NCAPG2: variants seen among roughly 807,000 people sequenced by gnomAD.
The protein encoded by NCAPG2 is non-SMC condensin II complex subunit G2, also known as condensin-2 complex subunit G2.
In NCAPG2, 53 loss-of-function variants were observed where a neutral mutation model predicts 141.1. The ratio of observed to expected loss-of-function variants is 0.38; its 90% confidence interval spans 0.30 to 0.47. The LOEUF (loss-of-function observed/expected upper bound fraction) is 0.47, where lower values mean the gene tolerates loss of function less well. Among genes scored for constraint, NCAPG2 ranks in the 20% least tolerant of loss-of-function variants. NCAPG2 has a pLI of 0.99. For missense variants in NCAPG2, 1,087 were observed against 1,389.0 expected, an observed-to-expected ratio of 0.78 and a Z score of 3.46; for synonymous variants, 499 against 490.7, an observed-to-expected ratio of 1.02 and a Z score of -0.22.
At chr7:158,669,500 C>T (rs905948257) in intron 13 of NCAPG2, among the ~76,000 whole-genome samples, 12 of 152,064 alleles carry the variant, frequency 7.9e-5, no homozygotes, top group African/African-American at 2.9e-4. Context: ...CAGTGGCTCA[C>T]GCCCATAATC....
chr7:158,657,006 C>T (rs1010950273), intron 17 of NCAPG2, among the ~76,000 whole-genome samples: 2 of 152,178 alleles, frequency 1.3e-5, no homozygotes, highest in Middle Eastern at 3.2e-3. Context: ...GCAAGAGTTT[C>T]TACTTTTGAA....
intron 16 of NCAPG2, 63 bp downstream of exon 16, chr7:158,662,131 T>C: frequency 6.9e-7 from 1 of 1,453,074 alleles, no homozygotes; most frequent in Non-Finnish European, 9.2e-7. Flanking sequence ...TGAGAACTTT[T>C]GTTAAATTCT....
rs138026456 is a variant in NCAPG2 at position 158,694,910 on chromosome 7, C to T, written c.79-1413G>A. The stretch of plus-strand genomic sequence containing the variant: ...AATTCTCCTCTCCATTTTCCTTAAG[C>T]CTTTGCCTGTCAATCACATGCAAAC... On this transcript the variant is annotated intron_variant, in intron 2 of 27. Coordinates refer to ENST00000356309, the MANE Select transcript of NCAPG2 (RefSeq NM_017760.7). Among the ~76,000 whole-genome samples, 338 of 152,298 alleles carry T rather than the reference C, an allele frequency of 2.2e-3. 1 individual carries two copies. Among genetic ancestry groups the T allele is most frequent in the Middle Eastern group, 0.017 (5 of 294 alleles).
intron 13 of NCAPG2, among the ~76,000 whole-genome samples, chr7:158,671,104 G>A (rs1833657203): frequency 8.7e-6 from 1 of 115,424 alleles, no homozygotes; most frequent in South Asian, 3.3e-4. Context: ...GGGGTGGGGG[G>A]TGGCTCATAC....
intron 5 of NCAPG2, among the ~76,000 whole-genome samples, 178 bp from the exon 6 acceptor site, chr7:158,690,131 A>T (rs929105760): frequency 2.6e-5 from 4 of 152,198 alleles, no homozygotes; most frequent in Admixed American, 2.6e-4. Context: ...AGCTCTACAG[A>T]ACATTTTTTT....
At chr7:158,641,443 TG>T in intron 27 of NCAPG2, 1 of 600,212 alleles carries the variant, frequency 1.7e-6, no homozygotes, top group South Asian at 2.0e-5. Context: ...TAGCTGGGTC[TG>T]GTGGTGTGTG....
intron 1 of NCAPG2, among the ~76,000 whole-genome samples, chr7:158,703,445 T>G (rs78631556): frequency 1.3e-5 from 2 of 152,222 alleles, no homozygotes; most frequent in African/African-American, 4.8e-5. Flanking sequence ...TTAGTCCAAC[T>G]TACAGTAATA....
At chr7:158,660,460 G>A (rs1832409992) in intron 16 of NCAPG2, among the ~76,000 whole-genome samples, 2 of 143,794 alleles carry the variant, frequency 1.4e-5, no homozygotes, top group African/African-American at 5.3e-5. Flanking sequence ...CTGTTGCCAG[G>A]GCTGGAGTGA....
rs774203332 is a variant in NCAPG2 at position 158,700,572 on chromosome 7, TCTAA to T, written c.78+1246_78+1249del. On this transcript the variant is annotated intron_variant, in intron 2 of 27. Coordinates refer to ENST00000356309, the MANE Select transcript of NCAPG2 (RefSeq NM_017760.7). ...TGCTAAAGCAGACATTTATATATTA[TCTAA>T]CTAATTTGCTCTTATAAACACTTCT... Among the ~76,000 whole-genome samples, 99 of 152,366 alleles carry T rather than the reference TCTAA, an allele frequency of 6.5e-4. 1 individual carries two copies. Among genetic ancestry groups the T allele is most frequent in the Non-Finnish European group, 1.3e-3 (91 of 68,036 alleles).
intron 13 of NCAPG2, chr7:158,667,269 T>C: frequency 1.0e-6 from 1 of 969,642 alleles, no homozygotes; most frequent in Non-Finnish European, 1.2e-6. Context: ...CCTGTGTCCC[T>C]CCGCCTCCCT....
intron 27 of NCAPG2, among the ~76,000 whole-genome samples, chr7:158,642,016 G>T (rs11980933): frequency 6.6e-6 from 1 of 151,936 alleles, no homozygotes; most frequent in Non-Finnish European, 1.5e-5. Context: ...ACACCTTCAC[G>T]AATTTAAAAG....
At chr7:158,687,505 C>A in intron 6 of NCAPG2, 63 bp from the exon 7 acceptor site, 2 of 1,211,858 alleles carry the variant, frequency 1.7e-6, no homozygotes, top group East Asian at 2.4e-5. Context: ...AAATAACAAA[C>A]AATTATTTGA....
intron 24 of NCAPG2, among the ~76,000 whole-genome samples, chr7:158,646,927 A>T (rs1380315539): frequency 6.6e-6 from 1 of 151,820 alleles, no homozygotes; most frequent in Non-Finnish European, 1.5e-5. Flanking sequence ...TACTTGGGAG[A>T]CTGAGGCAGG....
At chr7:158,658,668 T>C (rs547619960) in intron 16 of NCAPG2, among the ~76,000 whole-genome samples, 13 of 152,298 alleles carry the variant, frequency 8.5e-5, no homozygotes, top group Non-Finnish European at 1.9e-4. Flanking sequence ...ATGTACCCAG[T>C]ACCAATCTAG....
intron 17 of NCAPG2, among the ~76,000 whole-genome samples, chr7:158,657,499 C>A (rs1832075766): frequency 6.6e-6 from 1 of 152,196 alleles, no homozygotes; most frequent in Non-Finnish European, 1.5e-5. Flanking sequence ...TAACTTAGGG[C>A]CCATTGAAAA....
At chr7:158,645,664 C>A in intron 25 of NCAPG2, 45 bp from the exon 26 acceptor site, 1 of 1,528,794 alleles carries the variant, frequency 6.5e-7, no homozygotes, top group Non-Finnish European at 9.0e-7. Context: ...ATCATATAGA[C>A]CCTAATACAT....
chr7:158,655,573 G>C, intron 19 of NCAPG2, 118 bp from the exon 20 acceptor site: 1 of 818,482 alleles, frequency 1.2e-6, no homozygotes. Context: ...CCCCCGCTCT[G>C]GTGAAGCCCA....
chr7:158,688,771 G>A (rs1261418367), intron 6 of NCAPG2, among the ~76,000 whole-genome samples: 6 of 152,234 alleles, frequency 3.9e-5, no homozygotes, highest in Non-Finnish European at 5.9e-5. Flanking sequence ...GACCCTGGGA[G>A]CCAAAGGTCT....
rs1834414762 is a variant in NCAPG2 at position 158,680,892 on chromosome 7, G to A, written c.925-76C>T. 5 of 1,078,178 alleles carry A rather than the reference G, an allele frequency of 4.6e-6. No homozygotes were observed. The South Asian group carries it at 8.4e-5, about 18-fold the overall frequency. 66.8% of individuals were successfully genotyped at this position (1,078,178 alleles called of 1,614,324 possible). On this transcript the variant is annotated intron_variant, in intron 9 of 27. Transcript: ENST00000356309. ...TAAAATAAAATGGCATTTGGAAAGA[G>A]CAACAGGGAGAATTGTTCTCTCCAC...
Sources: allele counts gnomAD v4.1 joint callset (sites outside exome capture counted in the v4.1 genomes callset), GRCh38; gene constraint gnomAD v4.1.1; transcripts MANE v1.5; gene names NCBI Gene and HGNC (gene_info 2026-07-23, HGNC 2026-07-21).